The following DOC2A variants were observed in gnomAD, a reference collection of about 807,000 sequenced individuals.
DOC2A encodes double C2-like domain-containing protein alpha.
Under a neutral mutation model 40.6 loss-of-function variants are expected in DOC2A, and 28 were observed. The ratio of observed to expected loss-of-function variants is 0.69; its 90% CI spans 0.51 to 0.95. The LOEUF is 0.95. DOC2A is among the 40% of genes least tolerant of loss of function. The pLI, the probability that DOC2A is intolerant of heterozygous loss-of-function variation, is 0.00. For synonymous variants in DOC2A, 241 were observed against 236.9 expected (o/e 1.02, Z -0.16); for missense variants, 474 against 552.5 (o/e 0.86, Z 1.42).
intron 1 of DOC2A, among the ~76,000 whole-genome samples, chr16:30,019,201 C>T (rs1028340510): frequency 1.3e-5 from 2 of 152,036 alleles, no homozygotes; most frequent in Admixed American, 1.3e-4. Context: ...GCCTGTAATC[C>T]CAGTTACTCA....
At position 30,009,713 on chromosome 16, in the gene DOC2A, C is replaced by G. The variant is rs2070721768; in HGVS notation, c.263-156G>C. ...GGCCCATGCGTGTGTGCGTCTGGGT[C>G]CCTGGCTCGGCCGCAACTGGGGCTG... On this transcript the variant is annotated intron_variant, in intron 2 of 10. Coordinates refer to ENST00000350119, the MANE Select transcript of DOC2A (RefSeq NM_003586.3). The surrounding 1 kb of genome is among the most constrained non-coding windows in gnomAD (Gnocchi z 4.1). 6.6e-6 allele frequency among the ~76,000 whole-genome samples: 1 copy of G among 152,048 alleles called. No homozygotes were observed. Among genetic ancestry groups the G allele is most frequent in the African/African-American group, 2.4e-5 (1 of 41,356 alleles).
At chr16:30,020,432 C>T (rs2070896474) in intron 1 of DOC2A, among the ~76,000 whole-genome samples, 1 of 152,102 alleles carries the variant, frequency 6.6e-6, no homozygotes, top group South Asian at 2.1e-4. Context: ...AAGTGATCTG[C>T]ATGGCGGCTC....
Position 30,006,891 on chromosome 16 carries a change from T to C in DOC2A, c.772A>G (p.Ser258Gly). The part of the protein sequence containing the change: ...LLEERGRILL[S>G]LSYSSRRRGL... ...CGGCGCCGCGAGCTGTAGCTGAGACTCAGCAGGATGCGGCCACGCTCCTCC... is the reference window on the plus strand; with the variant it reads ...CGGCGCCGCGAGCTGTAGCTGAGACCCAGCAGGATGCGGCCACGCTCCTCC... The change falls in exon 8 of 11, where the codon AGT (serine) becomes GGT (glycine). Residue 258 changes from serine (S) to glycine (G), a missense_variant. Physicochemically the swap from Ser to Gly is moderately conservative, Grantham distance 56. Coordinates refer to ENST00000350119, the MANE Select transcript of DOC2A (RefSeq NM_003586.3). This position sits in a 1 kb window ranked among gnomAD's most constrained non-coding sequence, Gnocchi z 6.2. 6.2e-7 allele frequency: 1 copy of C among 1,613,422 alleles called. No homozygotes were observed. Among genetic ancestry groups the C allele is most frequent in the Non-Finnish European group, 8.5e-7 (1 of 1,179,696 alleles).
chr16:30,011,273 CCCA>C (rs984628725), upstream of DOC2A: 152 of 952,748 alleles, frequency 1.6e-4, no homozygotes, highest in Non-Finnish European at 1.8e-4. Flanking sequence ...CACGCCCGTG[CCCA>C]CGTGTGCACG....
chr16:30,011,554 G>T (rs1272022987), upstream of DOC2A: 2 of 300,938 alleles, frequency 6.6e-6, no homozygotes, highest in Non-Finnish European at 9.0e-6. Context: ...CCCCACCCCC[G>T]CGCGTCTTCA....
chr16:30,016,386 C>T (rs938426880), upstream of DOC2A, among the ~76,000 whole-genome samples: 4 of 152,068 alleles, frequency 2.6e-5, no homozygotes, highest in Admixed American at 6.6e-5. Flanking sequence ...AGGTTTCCTT[C>T]GTGGCTCTCC....
At position 30,008,902 on chromosome 16, in the gene DOC2A, G is replaced by A. The variant is rs540199430; in HGVS notation, c.527+94C>T. ...CTGATGGTTCTTGAGCATCAGAGAGGTACGGGCTTAATGGGACATAGATCA... is the reference window on the plus strand; with the variant it reads ...CTGATGGTTCTTGAGCATCAGAGAGATACGGGCTTAATGGGACATAGATCA... On this transcript the variant is annotated intron_variant, in intron 5 of 10. Coordinates refer to ENST00000350119, the MANE Select transcript of DOC2A (RefSeq NM_003586.3). 1.2e-5 allele frequency: 11 copies of A among 881,024 alleles called. No individual in the cohort carries two copies. The South Asian group carries it at 1.5e-4, about 12-fold the overall frequency. The allele number at this position is 881,024 out of a possible 1,614,324, so 54.6% of individuals were successfully genotyped here. A position where few individuals can be genotyped will look rare whatever the true frequency, so the allele number is the denominator to read the frequency against.
rs2070720713 is a variant in DOC2A at position 30,009,666 on chromosome 16, T to C, written c.263-109A>G. 4 of 1,103,996 alleles carry C rather than the reference T, an allele frequency of 3.6e-6. No individual in the cohort carries two copies. The highest frequency in any genetic ancestry group is 2.6e-5 in the East Asian group (1 of 38,854). The allele number at this position is 1,103,996 out of a possible 1,614,324, so 68.4% of individuals were successfully genotyped here. ...TCTCTCTCTCTTGCCAGCCCGCGAG[T>C]GTGAGTGCAAGAGGCTGAGTGGGCC... is the stretch of plus-strand genomic sequence containing the variant. On this transcript the variant is annotated intron_variant, in intron 2 of 10. Coordinates refer to ENST00000350119, the MANE Select transcript of DOC2A (RefSeq NM_003586.3). The surrounding 1 kb of genome is among the most constrained non-coding windows in gnomAD (Gnocchi z 4.1).
chr16:30,009,946 A>T lies in DOC2A; in HGVS notation c.262+15T>A. 1 of 1,610,872 alleles carries T rather than the reference A, an allele frequency of 6.2e-7. No individual in the cohort carries two copies. Among genetic ancestry groups the T allele is most frequent in the Non-Finnish European group, 8.5e-7 (1 of 1,179,672 alleles). On this transcript the variant is annotated intron_variant, in intron 2 of 10. Transcript: ENST00000350119. This position sits in a 1 kb window ranked among gnomAD's most constrained non-coding sequence, Gnocchi z 4.1. The stretch of plus-strand genomic sequence containing the variant: ...CCCCCACCAGCACATGGGGCCTCCA[A>T]GCCCCCAGACTCACTGGCATCATCC...
At chr16:30,011,752 C>G (rs1045886204), upstream of DOC2A, 1 of 152,300 alleles carries the variant, frequency 6.6e-6, no homozygotes, top group East Asian at 1.9e-4. Context: ...GCTTCCCCCA[C>G]GCCCCCTCCC....
chr16:30,012,858 A>G (rs377038175), upstream of DOC2A, among the ~76,000 whole-genome samples: 108 of 151,712 alleles, frequency 7.1e-4, no homozygotes, highest in African/African-American at 2.5e-3. Context: ...TCTGCTAAAA[A>G]TGCCGGGCGT....
Position 30,010,361 on chromosome 16 carries a change from T to G in DOC2A, c.-13-126A>C, listed in dbSNP as rs1596707138. On this transcript the variant is annotated intron_variant, in intron 1 of 10. Transcript: ENST00000350119. The surrounding 1 kb of genome is among the most constrained non-coding windows in gnomAD (Gnocchi z 4.2). ...CCTTCCTAGGTGTCGAGGGAGAGGG[T>G]GGTGTGTGCCAGCCGGTGGCAGGTG... 5 of 1,351,990 alleles carry G rather than the reference T, an allele frequency of 3.7e-6. No individual in the cohort carries two copies. The highest frequency in any genetic ancestry group is 5.2e-6 in the Non-Finnish European group (5 of 963,360). The allele number at this position is 1,351,990 out of a possible 1,614,324, so 83.7% of individuals were successfully genotyped here. A position where few individuals can be genotyped will look rare whatever the true frequency, so the allele number is the denominator to read the frequency against.
chr16:30,009,045 G>C lies in DOC2A; in HGVS notation c.478C>G (p.Leu160Val). The change falls in exon 5 of 11, where the codon CTG (leucine) becomes GTG (valine). Residue 160 changes from leucine to valine, a missense_variant. By Grantham distance (32) the Leu-to-Val change is conservative (BLOSUM62 1). Coordinates refer to ENST00000350119, the MANE Select transcript of DOC2A (RefSeq NM_003586.3). The surrounding 1 kb of genome is among the most constrained non-coding windows in gnomAD (Gnocchi z 4.1). ...NTLNPVWNED[L>V]TYSGITDDDI... is the part of the protein sequence containing the mutation. ...TCATCTGTGATCCCGCTGTAAGTCA[G>C]GTCCTCATTCCACACGGGATTCAGT... 4.3e-6 allele frequency: 7 copies of C among 1,614,086 alleles called. No individual in the cohort carries two copies. Among genetic ancestry groups the C allele is most frequent in the Non-Finnish European group, 5.9e-6 (7 of 1,180,004 alleles).
chr16:30,018,093 C>T (rs1463393563), intron 1 of DOC2A, among the ~76,000 whole-genome samples: 46 of 131,184 alleles, frequency 3.5e-4, no homozygotes, highest in African/African-American at 1.3e-3. Flanking sequence ...TAGTGAAATC[C>T]TATTTCTACC....
upstream of DOC2A, chr16:30,011,084 G>A (rs1596708894): frequency 5.5e-6 from 5 of 916,840 alleles, no homozygotes; most frequent in South Asian, 2.5e-4. Flanking sequence ...GGCGGCGGGG[G>A]ACGGGGAGGG....
rs2070582953 is a variant in DOC2A at position 30,006,246 on chromosome 16, C to T, written c.1143G>A (p.Glu381=). 8 of 1,594,616 alleles carry T rather than the reference C, an allele frequency of 5.0e-6. No individual in the cohort carries two copies. The highest frequency in any genetic ancestry group is 1.8e-4 in the Middle Eastern group (1 of 5,618). ...GCTCACTGGTCAGGGTGTGCCAGCG[C>T]TCCAGGGCTGCGTCCGGCTGCTGCA... ...DCLQQPDAAL[E]RWHTLTSELP... is the part of the protein sequence containing the mutation. Residue 381 remains glutamate, a synonymous_variant, in exon 11 of 11, where the codon GAG becomes GAA. Coordinates refer to ENST00000350119, the MANE Select transcript of DOC2A (RefSeq NM_003586.3). The surrounding 1 kb of genome is among the most constrained non-coding windows in gnomAD (Gnocchi z 6.2).
upstream of DOC2A, chr16:30,011,502 G>C (rs1259594064): frequency 2.5e-6 from 2 of 803,120 alleles, no homozygotes. Flanking sequence ...CCCCAAGGCC[G>C]GACCACCGGC....
Position 30,006,633 on chromosome 16 carries a change from C to T in DOC2A, c.923G>A (p.Cys308Tyr), listed in dbSNP as rs1307290992. 1 of 1,613,672 alleles carries T rather than the reference C, an allele frequency of 6.2e-7. No homozygotes were observed. The highest frequency in any genetic ancestry group is 1.3e-5 in the African/African-American group (1 of 74,768). Reference sequence around the variant, plus strand: ...TGGGTTGAGAGTCTTCTTCTTCACACACGTCTTATGCTTGGATTTCTTGTC... The same window carrying T: ...TGGGTTGAGAGTCTTCTTCTTCACATACGTCTTATGCTTGGATTTCTTGTC... ...DVDKKSKHKT[C>Y]VKKKTLNPEF... Residue 308 changes from cysteine (C) to tyrosine (Y), a missense_variant, in exon 9 of 11, where the codon TGT becomes TAT. Transcript: ENST00000350119. This position sits in a 1 kb window ranked among gnomAD's most constrained non-coding sequence, Gnocchi z 6.2.
In DOC2A at chr16:30,020,327, A is replaced by G. The variant is rs185812890; in HGVS notation, c.-376+856T>C. Among the ~76,000 whole-genome samples, 38 of 152,182 alleles carry G rather than the reference A, an allele frequency of 2.5e-4. No homozygotes were observed. In the East Asian group the frequency reaches 7.0e-3, roughly 28 times the overall value. On this transcript the variant is annotated intron_variant, in intron 1 of 5. Coordinates refer to the DOC2A transcript ENST00000574405. The stretch of plus-strand genomic sequence containing the variant: ...CCAAAGTGCTGGGATCATAGGTGTG[A>G]GCACCGCGCCTGGCCCAAAAACCAC...
Sources: gnomAD v4.1 joint callset for allele counts (sites outside exome capture counted in the v4.1 genomes callset) on GRCh38, gnomAD v4.1.1 for gene constraint, Gnocchi (gnomAD v3.1) non-coding constraint, MANE v1.5 for transcripts, NCBI Gene and HGNC (gene_info 2026-07-23, HGNC 2026-07-21) for gene names.